The following ZNF804B variants were observed in gnomAD, a reference collection of about 807,000 sequenced individuals.
ZNF804B encodes zinc finger 804B.
Under a neutral mutation model 101.4 loss-of-function variants are expected in ZNF804B, and 80 were observed. The observed-to-expected ratio is 0.79, with a 90% CI of 0.66 to 0.95. ZNF804B has a LOEUF of 0.95. Among genes scored for constraint, ZNF804B ranks in the 40% least tolerant of loss-of-function variants. The pLI, the probability that ZNF804B is intolerant of heterozygous loss-of-function variation, is 0.00. For synonymous variants in ZNF804B, 622 were observed against 558.8 expected (o/e 1.11, Z -1.59); for missense variants, 1,673 against 1,561.9 (o/e 1.07, Z -1.20).
intron 2 of ZNF804B, among the ~76,000 whole-genome samples, chr7:89,288,238 G>C (rs1261060082): frequency 1.3e-5 from 2 of 151,934 alleles, no homozygotes; most frequent in Non-Finnish European, 2.9e-5. Context: ...AAAATGGAAA[G>C]AACCGATAAG....
intron 2 of ZNF804B, among the ~76,000 whole-genome samples, chr7:89,268,801 T>C (rs1292660060): frequency 2.0e-5 from 3 of 152,068 alleles, no homozygotes; most frequent in Non-Finnish European, 4.4e-5. Context: ...CATAGTATTC[T>C]CTGGAAGGGA....
At chr7:89,278,202 T>C (rs1267637386) in intron 2 of ZNF804B, among the ~76,000 whole-genome samples, 7 of 147,008 alleles carry the variant, frequency 4.8e-5, no homozygotes, top group African/African-American at 1.7e-4. Flanking sequence ...GGGTTGTTTG[T>C]TTTTTTCTTG....
intron 1 of ZNF804B, among the ~76,000 whole-genome samples, chr7:88,877,050 T>TATATA (rs1491216741): frequency 9.9e-5 from 2 of 20,198 alleles, no homozygotes; most frequent in East Asian, 1.8e-3. Context: ...TATATATATA[T>TATATA]TTTTTTTTTT....
chr7:89,080,727 C>T (rs566903706), intron 1 of ZNF804B, among the ~76,000 whole-genome samples: 2 of 151,932 alleles, frequency 1.3e-5, no homozygotes, highest in Admixed American at 6.6e-5. Context: ...TCTAGAAATC[C>T]CAAGGAATAG....
intron 1 of ZNF804B, among the ~76,000 whole-genome samples, chr7:89,126,972 T>C (rs141220423): frequency 6.6e-6 from 1 of 151,820 alleles, no homozygotes; most frequent in Admixed American, 6.6e-5. Flanking sequence ...AATAATGCAA[T>C]ATGTGTGAAA....
At chr7:88,853,727 TTTTAAA>T (rs1372877324) in intron 1 of ZNF804B, among the ~76,000 whole-genome samples, 1 of 152,122 alleles carries the variant, frequency 6.6e-6, no homozygotes, top group African/African-American at 2.4e-5. Flanking sequence ...TTTCTCCAAA[TTTTAAA>T]TTTAAATTTT....
At chr7:89,040,539 G>A (rs1454066864) in intron 1 of ZNF804B, among the ~76,000 whole-genome samples, 1 of 152,104 alleles carries the variant, frequency 6.6e-6, no homozygotes. Context: ...TTAGTCGTAT[G>A]TCTATGTTCT....
At chr7:89,227,177 C>T (rs1789102024) in intron 2 of ZNF804B, among the ~76,000 whole-genome samples, 1 of 152,158 alleles carries the variant, frequency 6.6e-6, no homozygotes, top group Admixed American at 6.5e-5. Flanking sequence ...CTAGGGCTTC[C>T]TAACAAAGGA....
chr7:88,979,946 A>G (rs1793672692), intron 1 of ZNF804B, among the ~76,000 whole-genome samples: 3 of 148,752 alleles, frequency 2.0e-5, no homozygotes, highest in Admixed American at 2.0e-4. Flanking sequence ...TATTTTAAAT[A>G]CCCTGTCTTT....
In ZNF804B at chr7:89,334,707, G is replaced by A. The variant is rs764812300; in HGVS notation, c.1725G>A (p.Met575Ile). The change falls in exon 4 of 4, where the codon ATG (methionine) becomes ATA (isoleucine). Residue 575 changes from methionine to isoleucine, a missense_variant. Met to Ile is a conservative substitution (Grantham distance 10). Transcript: ENST00000333190. ...EYTFSANDLE[M>I]KNPKVPLYLN... Reference sequence around the variant, plus strand: ...CTTTCAGTGCAAATGATTTGGAAATGAAAAATCCTAAAGTGCCTCTTTACC... The same window carrying A: ...CTTTCAGTGCAAATGATTTGGAAATAAAAAATCCTAAAGTGCCTCTTTACC... 8.7e-6 allele frequency: 14 copies of A among 1,613,532 alleles called. No individual in the cohort carries two copies. The East Asian group carries it at 2.7e-4, about 31-fold the overall frequency.
chr7:89,075,361 T>C (rs1789600906), intron 1 of ZNF804B, among the ~76,000 whole-genome samples: 1 of 152,064 alleles, frequency 6.6e-6, no homozygotes, highest in South Asian at 2.1e-4. Flanking sequence ...AGGGACTTGG[T>C]GCCCTGCATC....
intron 2 of ZNF804B, among the ~76,000 whole-genome samples, chr7:89,251,900 A>G (rs535260785): frequency 6.6e-6 from 1 of 152,358 alleles, no homozygotes; most frequent in African/African-American, 2.4e-5. Flanking sequence ...CCATACAAAA[A>G]TTAAGTCAAG....
chr7:89,228,862 G>C (rs140384903), intron 2 of ZNF804B, among the ~76,000 whole-genome samples: 2 of 152,190 alleles, frequency 1.3e-5, no homozygotes, highest in African/African-American at 4.8e-5. Context: ...GGCGCACGGA[G>C]CAGGTAGGGG....
intron 1 of ZNF804B, among the ~76,000 whole-genome samples, chr7:88,939,962 A>T (rs1793032909): frequency 6.6e-6 from 1 of 152,002 alleles, no homozygotes; most frequent in South Asian, 2.1e-4. Context: ...ATACTATTGT[A>T]CTTCTTTCAG....
rs144764003 is a variant in ZNF804B, at chr7:89,017,820, C to T, written c.109-200335C>T. Among the ~76,000 whole-genome samples, 402 of 151,878 alleles carry T rather than the reference C, an allele frequency of 2.6e-3. 2 individuals are homozygous for T. Among genetic ancestry groups the T allele is most frequent in the African/African-American group, 9.5e-3 (395 of 41,432 alleles). On this transcript the variant is annotated intron_variant, in intron 1 of 3. Coordinates refer to ENST00000333190, the MANE Select transcript of ZNF804B (RefSeq NM_181646.5). Reference sequence around the variant, plus strand: ...TTTCAGTTTTTATTTCAGCTAGTTCCTTGTTTGTGTATAGAAATTATGTTG... The same window carrying T: ...TTTCAGTTTTTATTTCAGCTAGTTCTTTGTTTGTGTATAGAAATTATGTTG...
chr7:89,116,951 G>T (rs1237499282), intron 1 of ZNF804B, among the ~76,000 whole-genome samples: 1 of 152,128 alleles, frequency 6.6e-6, no homozygotes, highest in Non-Finnish European at 1.5e-5. Context: ...TATCTGAGTG[G>T]CCTTAAATGC....
At chr7:89,051,662 C>T (rs1265420285) in intron 1 of ZNF804B, among the ~76,000 whole-genome samples, 1 of 152,038 alleles carries the variant, frequency 6.6e-6, no homozygotes, top group South Asian at 2.1e-4. Context: ...AATTATGTTT[C>T]AGTTAATTCC....
At chr7:88,981,738 C>T (rs549548385) in intron 1 of ZNF804B, among the ~76,000 whole-genome samples, 4 of 151,988 alleles carry the variant, frequency 2.6e-5, no homozygotes, top group Non-Finnish European at 5.9e-5. Flanking sequence ...GAATTCTGCC[C>T]TCTATTGCTT....
intron 1 of ZNF804B, among the ~76,000 whole-genome samples, chr7:89,030,231 A>G (rs1788808967): frequency 2.0e-5 from 3 of 152,140 alleles, no homozygotes; most frequent in Admixed American, 2.0e-4. Flanking sequence ...AGCTCAGACA[A>G]AATAGTTTAG....
Sources: allele counts gnomAD v4.1 joint callset (sites outside exome capture counted in the v4.1 genomes callset), GRCh38; gene constraint gnomAD v4.1.1; transcripts MANE v1.5; gene names NCBI Gene and HGNC (gene_info 2026-07-23, HGNC 2026-07-21).